The following RHCG variants were observed in gnomAD, a reference collection of about 807,000 sequenced individuals.
RHCG encodes Rh family C glycoprotein.
RHCG carries 39 observed loss-of-function variants against 55.3 expected under a neutral mutation model. The observed-to-expected ratio is 0.70, with a 90% CI of 0.55 to 0.92. RHCG has a LOEUF of 0.92. RHCG is among the 40% of genes least tolerant of loss of function. The probability of loss-of-function intolerance (pLI) is 0.00; values close to 1 mark genes in which losing one functional copy is unlikely to be tolerated. For synonymous variants in RHCG, 250 were observed against 246.8 expected (o/e 1.01, Z -0.12); for missense variants, 635 against 627.9 (o/e 1.01, Z -0.12).
In RHCG at chr15:89,477,570, G is replaced by A. The variant is rs146417060; in HGVS notation, c.1059C>T (p.Ile353=). 4.0e-5 allele frequency: 65 copies of A among 1,613,978 alleles called. No individual in the cohort carries two copies. In the African/African-American group the frequency reaches 5.1e-4, roughly 13 times the overall value. The change falls in exon 7 of 11, where the codon ATC becomes ATT. Residue 353 remains isoleucine, a synonymous_variant. Transcript: ENST00000268122. This position sits in a 1 kb window ranked among gnomAD's most constrained non-coding sequence, Gnocchi z 4.5. Reference sequence around the variant, plus strand: ...CGGAGGCCGCTGTCACAGCACCCACGATGCCGCCTATGATGCCAGGAATGC... The same window carrying A: ...CGGAGGCCGCTGTCACAGCACCCACAATGCCGCCTATGATGCCAGGAATGC... ...LHGIPGIIGG[I]VGAVTAASAS...
intron 9 of RHCG, among the ~76,000 whole-genome samples, chr15:89,474,906 CTG>C (rs1961110018): frequency 1.4e-5 from 2 of 139,726 alleles, no homozygotes; most frequent in African/African-American, 6.0e-5. Context: ...TCCTTCCTGC[CTG>C]CCTTCCTTCC....
At chr15:89,471,911 C>T (rs1459867263) in intron 10 of RHCG, 56 bp from the exon 11 acceptor site, 1 of 152,346 alleles carries the variant, frequency 6.6e-6, no homozygotes, top group Non-Finnish European at 1.5e-5. Flanking sequence ...TGTAGCCTCT[C>T]AGGCACCATT....
intron 1 of RHCG, among the ~76,000 whole-genome samples, chr15:89,493,581 C>A (rs1443759098): frequency 6.6e-6 from 1 of 152,172 alleles, no homozygotes; most frequent in African/African-American, 2.4e-5. Context: ...AGGGAAGGCA[C>A]CTTGGAGCCT....
chr15:89,491,120 G>T (rs922370269), intron 1 of RHCG, among the ~76,000 whole-genome samples: 1 of 152,156 alleles, frequency 6.6e-6, no homozygotes, highest in African/African-American at 2.4e-5. Flanking sequence ...CAAGGGAGCC[G>T]CTGCTGCAGG....
Position 89,477,029 on chromosome 15 carries a change from C to G in RHCG, c.1237+53G>C, listed in dbSNP as rs544841698. ...GCCGCATGCCCTTTGCTTCTCCACCCAGGGAGCCCCACAGCAGCACCCCCC... is the reference window on the plus strand; with the variant it reads ...GCCGCATGCCCTTTGCTTCTCCACCGAGGGAGCCCCACAGCAGCACCCCCC... On this transcript the variant is annotated intron_variant, in intron 8 of 10. Transcript: ENST00000268122. The surrounding 1 kb of genome is among the most constrained non-coding windows in gnomAD (Gnocchi z 4.5). 5.8e-5 allele frequency: 93 copies of G among 1,611,058 alleles called. 2 individuals carry two copies. The South Asian group carries it at 9.5e-4, about 16-fold the overall frequency.
In RHCG at chr15:89,477,895, G is replaced by A. The variant is rs1279551387; in HGVS notation, c.917C>T (p.Ala306Val). 6.2e-7 allele frequency: 1 copy of A among 1,613,950 alleles called. No individual in the cohort carries two copies. The change falls in exon 6 of 11, where the codon GCC (alanine) becomes GTC (valine). Residue 306 changes from alanine to valine, a missense_variant. Coordinates refer to ENST00000268122, the MANE Select transcript of RHCG (RefSeq NM_016321.3). The surrounding 1 kb of genome is among the most constrained non-coding windows in gnomAD (Gnocchi z 4.5). ...AAEMMLMPYG[A>V]LIIGFVCGII... is the part of the protein sequence containing the mutation. ...GCCGCAGACGAAGCCGATGATGAGGGCACCGTAAGGCATGAGCATCATCTC... is the reference window on the plus strand; with the variant it reads ...GCCGCAGACGAAGCCGATGATGAGGACACCGTAAGGCATGAGCATCATCTC...
chr15:89,476,622 A>C (rs1479275994), intron 9 of RHCG, 133 bp downstream of exon 9: 19 of 702,836 alleles, frequency 2.7e-5, no homozygotes, highest in Admixed American at 4.5e-5. Flanking sequence ...CCCCCGATGA[A>C]GAAGTAGGGT....
chr15:89,482,082 G>A (rs1214081956), intron 3 of RHCG, among the ~76,000 whole-genome samples: 2 of 152,056 alleles, frequency 1.3e-5, no homozygotes, highest in East Asian at 1.9e-4. Flanking sequence ...AATTACAGGC[G>A]TGAGCCACCG....
chr15:89,489,057 A>G (rs74889498), intron 1 of RHCG, among the ~76,000 whole-genome samples: 2 of 152,200 alleles, frequency 1.3e-5, no homozygotes, highest in African/African-American at 4.8e-5. Flanking sequence ...GTGCGTGTGC[A>G]TCCGTGTAGA....
intron 1 of RHCG, among the ~76,000 whole-genome samples, chr15:89,492,779 A>T (rs1961500472): frequency 6.6e-6 from 1 of 152,268 alleles, no homozygotes; most frequent in South Asian, 2.1e-4. Flanking sequence ...CAACTAATAT[A>T]GGGAGAGGTG....
At chr15:89,492,007 T>C (rs1961484643) in intron 1 of RHCG, among the ~76,000 whole-genome samples, 1 of 152,180 alleles carries the variant, frequency 6.6e-6, no homozygotes, top group South Asian at 2.1e-4. Flanking sequence ...TGCCCCATCA[T>C]ATAAGTTATT....
In RHCG at chr15:89,488,885, A is replaced by G. The variant is rs147327024; in HGVS notation, c.185-1900T>C. Reference sequence around the variant, plus strand: ...ATAAACAGGTGAAGATATTGCATTAATGGAAATTTATGAAGCTGATTACTA... The same window carrying G: ...ATAAACAGGTGAAGATATTGCATTAGTGGAAATTTATGAAGCTGATTACTA... On this transcript the variant is annotated intron_variant, in intron 1 of 10. Transcript: ENST00000268122. Among the ~76,000 whole-genome samples, 104 of 152,276 alleles carry G rather than the reference A, an allele frequency of 6.8e-4. No individual in the cohort carries two copies. The East Asian group carries it at 0.017, about 25-fold the overall frequency.
chr15:89,475,853 G>GCGAAAAC (rs1225313453), intron 9 of RHCG, among the ~76,000 whole-genome samples: 1 of 152,146 alleles, frequency 6.6e-6, no homozygotes, highest in Non-Finnish European at 1.5e-5. Flanking sequence ...GCATCTTAGC[G>GCGAAAAC]CGAAAACCGC....
Position 89,477,223 on chromosome 15 carries a change from G to C in RHCG, c.1113-17C>G. 6.2e-7 allele frequency: 1 copy of C among 1,613,608 alleles called. No homozygotes were observed. Among genetic ancestry groups the C allele is most frequent in the Admixed American group, 1.7e-5 (1 of 59,952 alleles). On this transcript the variant is annotated splice_polypyrimidine_tract_variant and intron_variant, in intron 7 of 10. Coordinates refer to ENST00000268122, the MANE Select transcript of RHCG (RefSeq NM_016321.3). The surrounding 1 kb of genome is among the most constrained non-coding windows in gnomAD (Gnocchi z 4.5). ...TGGACAAGCCTGGGGTGGAGACAGG[G>C]GGCAGGTCAGGGCCCCATGGAGAGG...
At position 89,496,512 on chromosome 15, in the gene RHCG, CAGCCGCCAGCGG is replaced by C; in HGVS notation, c.21_32del (p.Arg8_Leu11del). 3 of 1,612,974 alleles carry C rather than the reference CAGCCGCCAGCGG, an allele frequency of 1.9e-6. No individual in the cohort carries two copies. The highest frequency in any genetic ancestry group is 2.5e-6 in the Non-Finnish European group (3 of 1,179,776). On this transcript the variant is annotated inframe_deletion, in exon 1 of 11. Transcript: ENST00000268122. ...CCTGCAGGAGCAGGCAGGTGAGCGG[CAGCCGCCAGCGG>C]AGGTTGGTGTTCCAGGCCATGCTGC... is the stretch of plus-strand genomic sequence containing the variant.
At position 89,496,579 on chromosome 15, in the gene RHCG, G is replaced by A. The variant is rs762575368; in HGVS notation, c.-35C>T. The A allele has an allele frequency of 1.9e-6, 3 of 1,590,996 alleles. No individual in the cohort carries two copies. The highest frequency in any genetic ancestry group is 3.4e-5 in the Admixed American group (2 of 59,182). ...GTGCCTGGCCGGGCTGGCAGCGGGCGGTTCGGACGCTCGGAGGCCGGCGGG... is the reference window on the plus strand; with the variant it reads ...GTGCCTGGCCGGGCTGGCAGCGGGCAGTTCGGACGCTCGGAGGCCGGCGGG... On this transcript the variant is annotated 5_prime_UTR_variant, in exon 1 of 11. Transcript: ENST00000268122.
In RHCG at chr15:89,477,631, T is replaced by A. The variant is rs1410378802; in HGVS notation, c.998A>T (p.His333Leu). ...GTTAATGCCACATGTGTCCTGGATG[T>A]GCAGCCGGGACTCCAGGAATGGCTG... ...YLTPFLESRL[H>L]IQDTCGINNL... The change falls in exon 7 of 11, where the codon CAC (histidine) becomes CTC (leucine). Residue 333 changes from histidine (H) to leucine (L), a missense_variant. His to Leu is a moderately conservative substitution (Grantham distance 99). Coordinates refer to ENST00000268122, the MANE Select transcript of RHCG (RefSeq NM_016321.3). This position sits in a 1 kb window ranked among gnomAD's most constrained non-coding sequence, Gnocchi z 4.5. The A allele has an allele frequency of 1.1e-5, 17 of 1,614,068 alleles. No individual in the cohort carries two copies. Among genetic ancestry groups the A allele is most frequent in the Non-Finnish European group, 1.3e-5 (15 of 1,180,002 alleles).
In RHCG at chr15:89,472,875, G is replaced by A. The variant is rs1961067442; in HGVS notation, c.1312-12C>T. ...TTCCCTTCAGGCATCTACAGAGAGA[G>A]GATGCAACTCTGAGGGCCCTGTCCC... On this transcript the variant is annotated splice_polypyrimidine_tract_variant and intron_variant, in intron 9 of 10. Transcript: ENST00000268122. 7.0e-7 allele frequency: 1 copy of A among 1,431,156 alleles called. No individual in the cohort carries two copies. The highest frequency in any genetic ancestry group is 9.2e-7 in the Non-Finnish European group (1 of 1,081,144). 88.7% of individuals were successfully genotyped at this position (1,431,156 alleles called of 1,614,324 possible). A position where few individuals can be genotyped will look rare whatever the true frequency, so the allele number is the denominator to read the frequency against.
At position 89,477,682 on chromosome 15, in the gene RHCG, G is replaced by A; in HGVS notation, c.976-29C>T. 1 of 1,612,806 alleles carries A rather than the reference G, an allele frequency of 6.2e-7. No individual in the cohort carries two copies. The highest frequency in any genetic ancestry group is 8.5e-7 in the Non-Finnish European group (1 of 1,179,196). On this transcript the variant is annotated intron_variant, in intron 6 of 10. Transcript: ENST00000268122. The surrounding 1 kb of genome is among the most constrained non-coding windows in gnomAD (Gnocchi z 4.5). ...GAGACGGGAGGTGGGTGCTGCTCAG[G>A]CCGGGGGCTGCATCAAGGGTGTGGG... is the stretch of plus-strand genomic sequence containing the variant.
Sources: gnomAD v4.1 joint callset for allele counts (sites outside exome capture counted in the v4.1 genomes callset) on GRCh38, gnomAD v4.1.1 for gene constraint, Gnocchi (gnomAD v3.1) non-coding constraint, MANE v1.5 for transcripts, NCBI Gene and HGNC (gene_info 2026-07-23, HGNC 2026-07-21) for gene names.